ANP32B: variants seen among roughly 807,000 people sequenced by gnomAD.
ANP32B encodes acidic nuclear phosphoprotein 32 family member B, also known as acidic leucine-rich nuclear phosphoprotein 32 family member B.
A neutral mutation model predicts 32.2 loss-of-function variants in ANP32B; 6 were observed. The ratio of observed to expected loss-of-function variants is 0.19; its 90% CI spans 0.10 to 0.37. The LOEUF (loss-of-function observed/expected upper bound fraction) is 0.37, where lower values mean the gene tolerates loss of function less well. Ranked by LOEUF, ANP32B falls within the 10% of genes least tolerant of loss-of-function variation. The pLI, the probability that ANP32B is intolerant of heterozygous loss-of-function variation, is 1.00. For missense variants in ANP32B, 204 were observed against 289.2 expected, an observed-to-expected ratio of 0.71 and a Z score of 2.14; for synonymous variants, 98 against 105.8, an observed-to-expected ratio of 0.93 and a Z score of 0.45.
At chr9:97,986,112 C>CA (rs1231409378) in intron 1 of ANP32B, among the ~76,000 whole-genome samples, 21 of 152,206 alleles carry the variant, frequency 1.4e-4, no homozygotes, top group Non-Finnish European at 2.9e-4. Context: ...TGAGCCACCG[C>CA]CCCCGGCCAC....
intron 4 of ANP32B, among the ~76,000 whole-genome samples, chr9:98,010,326 T>G (rs1828162196): frequency 1.3e-5 from 2 of 151,176 alleles, no homozygotes; most frequent in African/African-American, 4.9e-5. Context: ...CTCACACTTG[T>G]AATCCCAACA....
chr9:98,005,419 G>A, intron 4 of ANP32B: 1 of 209,690 alleles, frequency 4.8e-6, no homozygotes, highest in South Asian at 9.1e-5. Flanking sequence ...GAAGACTGGA[G>A]GCCGAGGTGG....
intron 4 of ANP32B, 102 bp downstream of exon 4, chr9:98,005,255 C>A: frequency 8.4e-7 from 1 of 1,184,310 alleles, no homozygotes; most frequent in Non-Finnish European, 1.2e-6. Context: ...AACCGTAATC[C>A]CAGCACTTTG....
chr9:97,987,178 T>A (rs1167018276), intron 1 of ANP32B, among the ~76,000 whole-genome samples: 5 of 152,164 alleles, frequency 3.3e-5, no homozygotes, highest in Non-Finnish European at 7.4e-5. Context: ...AAATACAGAA[T>A]TTTATTTATT....
At position 98,011,345 on chromosome 9, in the gene ANP32B, G is replaced by C; in HGVS notation, c.592G>C (p.Glu198Gln). The change falls in exon 5 of 7, where the codon GAA (glutamate) becomes CAA (glutamine). Residue 198 changes from glutamate to glutamine, a missense_variant. Coordinates refer to ENST00000339399, the MANE Select transcript of ANP32B (RefSeq NM_006401.3). ...EEFDEEDDED[E>Q]DVEGDEDDDE... ...GTTTGATGAAGAAGATGATGAAGAT[G>C]AAGATGTAGAAGGGGATGAGGACGA... 6.4e-7 allele frequency: 1 copy of C among 1,555,654 alleles called. No homozygotes were observed. Among genetic ancestry groups the C allele is most frequent in the Non-Finnish European group, 8.7e-7 (1 of 1,145,256 alleles).
intron 6 of ANP32B, among the ~76,000 whole-genome samples, chr9:98,014,339 C>T (rs1027460028): frequency 6.6e-6 from 1 of 150,562 alleles, no homozygotes; most frequent in Admixed American, 6.6e-5. Flanking sequence ...ACCCGGGAGG[C>T]GGAGCTTGCA....
At chr9:98,008,815 A>G (rs571451014) in intron 4 of ANP32B, among the ~76,000 whole-genome samples, 21 of 152,298 alleles carry the variant, frequency 1.4e-4, no homozygotes, top group African/African-American at 3.6e-4. Flanking sequence ...ATATCATTAT[A>G]TATTACAATG....
intron 5 of ANP32B, 45 bp from the exon 6 acceptor site, chr9:98,012,376 A>T: frequency 1.3e-6 from 2 of 1,596,266 alleles, no homozygotes; most frequent in Non-Finnish European, 1.7e-6. Context: ...GCACTTTTCA[A>T]TTTGGCAGAA....
intron 1 of ANP32B, among the ~76,000 whole-genome samples, chr9:97,992,959 G>T (rs919304568): frequency 5.3e-5 from 8 of 152,180 alleles, no homozygotes; most frequent in Non-Finnish European, 5.9e-5. Context: ...CTCGCACAAG[G>T]TCGCACAAGT....
chr9:97,995,383 A>G (rs1354063369), intron 2 of ANP32B, among the ~76,000 whole-genome samples: 1 of 152,202 alleles, frequency 6.6e-6, no homozygotes, highest in Admixed American at 6.5e-5. Context: ...TTCCCATTAT[A>G]TAGGAAAAGA....
intron 4 of ANP32B, among the ~76,000 whole-genome samples, chr9:98,009,667 T>A (rs1380705898): frequency 1.3e-5 from 2 of 152,270 alleles, no homozygotes; most frequent in Non-Finnish European, 2.9e-5. Flanking sequence ...CACCACCTGC[T>A]GTGCGGCCCA....
At chr9:98,013,009 C>T (rs899416648) in intron 6 of ANP32B, among the ~76,000 whole-genome samples, 1 of 152,164 alleles carries the variant, frequency 6.6e-6, no homozygotes, top group Non-Finnish European at 1.5e-5. Flanking sequence ...GGATTACAGG[C>T]GTGAGCCACC....
intron 1 of ANP32B, 144 bp downstream of exon 1, chr9:97,983,753 C>T: frequency 1.8e-6 from 1 of 570,700 alleles, no homozygotes; most frequent in Non-Finnish European, 2.7e-6. Flanking sequence ...GGCGGGCGGG[C>T]GCGGAGGGGG....
At chr9:98,005,583 C>T (rs1039399907) in intron 4 of ANP32B, among the ~76,000 whole-genome samples, 1 of 152,158 alleles carries the variant, frequency 6.6e-6, no homozygotes, top group Non-Finnish European at 1.5e-5. Context: ...TGTGCGTGCG[C>T]ACGCGTGTAT....
intron 1 of ANP32B, 32 bp downstream of exon 1, chr9:97,983,641 C>T (rs571341218): frequency 2.0e-6 from 3 of 1,520,134 alleles, no homozygotes; most frequent in Middle Eastern, 1.7e-4. Flanking sequence ...TGCCCTCTCC[C>T]CCGATGACTT....
Position 97,983,507 on chromosome 9 carries a change from C to T in ANP32B, c.-49C>T, listed in dbSNP as rs1377285165. On this transcript the variant is annotated 5_prime_UTR_variant, in exon 1 of 7. Transcript: ENST00000339399. ...GCAAGCCGGGACGCCTCTCCCCCCTCCGCCCCCGCCGCGGAAAGTTAAGTT... is the reference window on the plus strand; with the variant it reads ...GCAAGCCGGGACGCCTCTCCCCCCTTCGCCCCCGCCGCGGAAAGTTAAGTT... 6.6e-7 allele frequency: 1 copy of T among 1,510,194 alleles called. No homozygotes were observed. The highest frequency in any genetic ancestry group is 1.2e-5 in the South Asian group (1 of 81,760). 93.5% of individuals were successfully genotyped at this position (1,510,194 alleles called of 1,614,324 possible). A position where few individuals can be genotyped will look rare whatever the true frequency, so the allele number is the denominator to read the frequency against.
At chr9:97,994,319 G>C (rs183186976) in intron 1 of ANP32B, among the ~76,000 whole-genome samples, 7 of 152,308 alleles carry the variant, frequency 4.6e-5, no homozygotes, top group African/African-American at 9.6e-5. Flanking sequence ...TGGGGAACAG[G>C]CTGGAGAAAA....
chr9:98,007,678 C>T (rs1029464234), intron 4 of ANP32B, among the ~76,000 whole-genome samples: 3 of 152,138 alleles, frequency 2.0e-5, no homozygotes, highest in Non-Finnish European at 4.4e-5. Context: ...TTTCACTACT[C>T]GAGTCAGAGA....
At chr9:97,986,958 A>G (rs1233762237) in intron 1 of ANP32B, 1 of 152,150 alleles carries the variant, frequency 6.6e-6, no homozygotes, top group Non-Finnish European at 1.5e-5. Context: ...TATTGTGTAT[A>G]TGGCTTTTTT....
Sources: allele counts gnomAD v4.1 joint callset (sites outside exome capture counted in the v4.1 genomes callset), GRCh38; gene constraint gnomAD v4.1.1; transcripts MANE v1.5; gene names NCBI Gene and HGNC (gene_info 2026-07-23, HGNC 2026-07-21).